The following CIMIP6 variants were observed in gnomAD, a reference collection of about 807,000 sequenced individuals.
The protein encoded by CIMIP6 is ciliary microtubule inner protein 6, also known as uncharacterized protein C2orf73.
chr2:54,338,191 T>G, the CIMIP6 span, among the ~76,000 whole-genome samples: 3 of 152,066 alleles, frequency 2.0e-5, no homozygotes, highest in African/African-American at 7.2e-5. Flanking sequence ...CCCAACACTT[T>G]GGAAGGCCAA....
At chr2:54,369,797 G>T in the CIMIP6 span, among the ~76,000 whole-genome samples, 1 of 152,176 alleles carries the variant, frequency 6.6e-6, no homozygotes, top group South Asian at 2.1e-4. Flanking sequence ...GTTATTAAAA[G>T]AATTCAGTGA....
the CIMIP6 span, among the ~76,000 whole-genome samples, chr2:54,345,313 C>T: frequency 1.3e-5 from 2 of 152,082 alleles, no homozygotes; most frequent in Non-Finnish European, 2.9e-5. Flanking sequence ...GGAGTTTGGG[C>T]TAGGGTAATT....
chr2:54,383,812 A>G, the CIMIP6 span: 1 of 151,964 alleles, frequency 6.6e-6, no homozygotes, highest in African/African-American at 2.4e-5. Context: ...TTCAGAGGTG[A>G]GTAGGACATG....
At chr2:54,360,414 C>T in the CIMIP6 span, 1 of 1,603,326 alleles carries the variant, frequency 6.2e-7, no homozygotes, top group East Asian at 2.2e-5. Flanking sequence ...ACTCACTTAT[C>T]AGAAACAGAC....
chr2:54,379,976 TAAAA>T, the CIMIP6 span, among the ~76,000 whole-genome samples: 178 of 136,692 alleles, frequency 1.3e-3, no homozygotes, highest in African/African-American at 3.8e-3. Flanking sequence ...AAAGTCCTTC[TAAAA>T]AAAAAAAAAA....
chr2:54,371,432 C>T, the CIMIP6 span, among the ~76,000 whole-genome samples: 2 of 152,226 alleles, frequency 1.3e-5, no homozygotes, highest in Non-Finnish European at 2.9e-5. Flanking sequence ...GCAGGCACAT[C>T]TAGGCCTGGC....
the CIMIP6 span, among the ~76,000 whole-genome samples, chr2:54,366,894 C>A: frequency 6.6e-6 from 1 of 152,004 alleles, no homozygotes; most frequent in Non-Finnish European, 1.5e-5. Context: ...ATTCTCAGTG[C>A]TATATAAATA....
the CIMIP6 span, among the ~76,000 whole-genome samples, chr2:54,381,482 G>A: frequency 1.3e-5 from 2 of 152,184 alleles, no homozygotes; most frequent in African/African-American, 2.4e-5. Flanking sequence ...TACAGGGAAC[G>A]TTACTGTTCC....
At chr2:54,371,120 T>C in the CIMIP6 span, among the ~76,000 whole-genome samples, 2 of 152,180 alleles carry the variant, frequency 1.3e-5, no homozygotes, top group Non-Finnish European at 2.9e-5. Flanking sequence ...GATGGGTTGA[T>C]AGATTAATTT....
the CIMIP6 span, among the ~76,000 whole-genome samples, chr2:54,364,265 C>T: frequency 1.3e-5 from 2 of 151,930 alleles, no homozygotes; most frequent in Non-Finnish European, 2.9e-5. Flanking sequence ...CAAGTAGTTC[C>T]CTTATTATTT....
the CIMIP6 span, among the ~76,000 whole-genome samples, chr2:54,359,357 C>G: frequency 2.0e-5 from 3 of 152,080 alleles, no homozygotes; most frequent in Non-Finnish European, 4.4e-5. Flanking sequence ...CCACTGCATT[C>G]CAGCCTGGGT....
At chr2:54,356,553 G>A in the CIMIP6 span, among the ~76,000 whole-genome samples, 222 of 152,114 alleles carry the variant, frequency 1.5e-3, no homozygotes, top group African/African-American at 5.1e-3. Flanking sequence ...GGTAGCTCCG[G>A]TTCCTGCTTC....
chr2:54,360,167 T>C, the CIMIP6 span: 12 of 1,497,392 alleles, frequency 8.0e-6, no homozygotes, highest in African/African-American at 1.5e-4. Context: ...CAATCTGCGT[T>C]CTCCTGGTTA....
chr2:54,362,917 CT>C, the CIMIP6 span, among the ~76,000 whole-genome samples: 1 of 152,138 alleles, frequency 6.6e-6, no homozygotes, highest in Non-Finnish European at 1.5e-5. Context: ...TACTAATTTG[CT>C]TTTCAGCCTT....
chr2:54,356,888 C>T, the CIMIP6 span, among the ~76,000 whole-genome samples: 6 of 152,052 alleles, frequency 3.9e-5, no homozygotes, highest in Admixed American at 2.0e-4. Flanking sequence ...AATTTAGAGC[C>T]GCTTCATTCT....
At chr2:54,367,374 C>T in the CIMIP6 span, among the ~76,000 whole-genome samples, 9 of 151,958 alleles carry the variant, frequency 5.9e-5, no homozygotes, top group African/African-American at 2.2e-4. Flanking sequence ...ATGTCAGTTC[C>T]CCCAACCTCC....
chr2:54,368,341 A>G, the CIMIP6 span, among the ~76,000 whole-genome samples: 1 of 151,720 alleles, frequency 6.6e-6, no homozygotes, highest in African/African-American at 2.4e-5. Flanking sequence ...CTTTGTGTAC[A>G]GTAATTCTTA....
At chr2:54,330,894 C>A in the CIMIP6 span, 1 of 1,410,016 alleles carries the variant, frequency 7.1e-7, no homozygotes, top group Non-Finnish European at 9.9e-7. Flanking sequence ...ACAGTCGCCG[C>A]GCTTTGCGCA....
chr2:54,343,264 A>T, the CIMIP6 span, among the ~76,000 whole-genome samples: 1 of 152,166 alleles, frequency 6.6e-6, no homozygotes, highest in Non-Finnish European at 1.5e-5. Context: ...GTATGACATA[A>T]AATGTATTTC....
Sources: allele counts gnomAD v4.1 joint callset (sites outside exome capture counted in the v4.1 genomes callset), GRCh38; gene constraint gnomAD v4.1.1; transcripts MANE v1.5; gene names NCBI Gene and HGNC (gene_info 2026-07-23, HGNC 2026-07-21).